TIMP2: variants seen among roughly 807,000 people sequenced by gnomAD.
TIMP2 encodes the protein metalloproteinase inhibitor 2.
In TIMP2, 5 loss-of-function variants were observed where a neutral mutation model predicts 24.3. That is an observed-to-expected ratio of 0.21 (90% CI 0.11 to 0.43). The LOEUF is 0.43. TIMP2 is among the 20% of genes least tolerant of loss of function. The probability of loss-of-function intolerance (pLI) is 1.00; values close to 1 mark genes in which losing one functional copy is unlikely to be tolerated. For missense variants in TIMP2, 221 were observed against 297.5 expected, an observed-to-expected ratio of 0.74 and a Z score of 1.89; for synonymous variants, 130 against 123.2, an observed-to-expected ratio of 1.06 and a Z score of -0.37.
chr17:78,856,633 G>A (rs1244900105), intron 4 of TIMP2: 1 of 152,480 alleles, frequency 6.6e-6, no homozygotes, highest in Non-Finnish European at 1.5e-5. Context: ...AGCCAGCCTG[G>A]GAGCCCTGGA....
chr17:78,868,231 T>C (rs1027878763), intron 3 of TIMP2, among the ~76,000 whole-genome samples: 2 of 152,068 alleles, frequency 1.3e-5, no homozygotes, highest in East Asian at 1.9e-4. Flanking sequence ...GCTAGGGGAA[T>C]TGTCTTGTCT....
At position 78,873,974 on chromosome 17, in the gene TIMP2, C is replaced by T. The variant is rs2069707510; in HGVS notation, c.131-55G>A. 1.6e-5 allele frequency: 25 copies of T among 1,541,020 alleles called. 1 individual carries two copies. The South Asian group carries it at 2.5e-4, about 15-fold the overall frequency. ...GAGTTCCTGAAACACGCTCCTGGGG[C>T]TAAGGAGAGGGATAAGACGTCCAGG... On this transcript the variant is annotated intron_variant, in intron 1 of 4. Transcript: ENST00000262768.
intron 2 of TIMP2, among the ~76,000 whole-genome samples, chr17:78,872,700 G>A (rs1427546245): frequency 6.6e-6 from 1 of 152,210 alleles, no homozygotes; most frequent in African/African-American, 2.4e-5. Flanking sequence ...CGTAAGAGCA[G>A]ATCCTCTTTC....
chr17:78,888,891 C>T (rs769363518), intron 1 of TIMP2, among the ~76,000 whole-genome samples: 1 of 152,112 alleles, frequency 6.6e-6, no homozygotes, highest in Non-Finnish European at 1.5e-5. Context: ...CATTCGTGGA[C>T]CAATGATACT....
chr17:78,884,757 T>C (rs994836375), intron 1 of TIMP2, among the ~76,000 whole-genome samples: 1 of 152,158 alleles, frequency 6.6e-6, no homozygotes, highest in African/African-American at 2.4e-5. Flanking sequence ...TTCTTGGAGA[T>C]CTCGATATAA....
intron 3 of TIMP2, among the ~76,000 whole-genome samples, chr17:78,862,157 T>C (rs2069572240): frequency 6.6e-6 from 1 of 152,214 alleles, no homozygotes. Context: ...AGTCTCCTGG[T>C]GCCCGACTCG....
At chr17:78,887,153 C>T (rs1451030100) in intron 1 of TIMP2, among the ~76,000 whole-genome samples, 1 of 152,196 alleles carries the variant, frequency 6.6e-6, no homozygotes, top group Non-Finnish European at 1.5e-5. Context: ...TCCAAATGAG[C>T]GTAACGCTTG....
At chr17:78,912,646 G>T (rs2070219446) in intron 1 of TIMP2, among the ~76,000 whole-genome samples, 1 of 152,210 alleles carries the variant, frequency 6.6e-6, no homozygotes, top group African/African-American at 2.4e-5. Flanking sequence ...CAGGCCACCT[G>T]CTTGCTTCTG....
chr17:78,916,015 T>C (rs918695658), intron 1 of TIMP2, among the ~76,000 whole-genome samples: 1 of 152,168 alleles, frequency 6.6e-6, no homozygotes, highest in African/African-American at 2.4e-5. Flanking sequence ...ATTGTTGCCA[T>C]AGTCATTATC....
At position 78,924,563 on chromosome 17, in the gene TIMP2, G is replaced by A. The variant is rs2070334145; in HGVS notation, c.130+396C>T. Among the ~76,000 whole-genome samples the A allele has an allele frequency of 6.6e-6, 1 of 152,096 alleles. No individual in the cohort carries two copies. The highest frequency in any genetic ancestry group is 2.1e-4 in the South Asian group (1 of 4,824). On this transcript the variant is annotated intron_variant, in intron 1 of 4. Coordinates refer to ENST00000262768, the MANE Select transcript of TIMP2 (RefSeq NM_003255.5). This position sits in a 1 kb window ranked among gnomAD's most constrained non-coding sequence, Gnocchi z 5.3. ...GAGAAGCCCAACTCCCACCTTATCT[G>A]CGAAAGTTTCTTCCTGGGGTCCCCA...
At chr17:78,871,131 C>T (rs1057158051) in intron 2 of TIMP2, 125 bp from the exon 3 acceptor site, 32 of 682,196 alleles carry the variant, frequency 4.7e-5, no homozygotes, top group Admixed American at 8.0e-5. Context: ...CCCAAGAGGA[C>T]CAGGAAGTGC....
intron 1 of TIMP2, among the ~76,000 whole-genome samples, chr17:78,888,836 C>A (rs1301705620): frequency 6.6e-6 from 1 of 152,142 alleles, no homozygotes; most frequent in African/African-American, 2.4e-5. Context: ...GTGATGGGCT[C>A]ATGGTACTTC....
At chr17:78,873,312 T>A (rs1313389243) in intron 2 of TIMP2, among the ~76,000 whole-genome samples, 10 of 95,466 alleles carry the variant, frequency 1.0e-4, no homozygotes, top group Middle Eastern at 5.0e-3. Context: ...TATTTTTTTT[T>A]TTTTTTTTTA....
rs189088300 is a variant in TIMP2 at position 78,861,979 on chromosome 17, G to A, written c.341-4333C>T. 2.2e-3 allele frequency among the ~76,000 whole-genome samples: 334 copies of A among 152,332 alleles called. 5 individuals are homozygous for A. Among genetic ancestry groups the A allele is most frequent in the East Asian group, 2.3e-3 (12 of 5,188 alleles). ...TAAGACTTGGTTGGGTGTACACACC[G>A]TGAGCATCTGCAGCGATGTTCTACT... On this transcript the variant is annotated intron_variant, in intron 3 of 4. Transcript: ENST00000262768.
intron 3 of TIMP2, among the ~76,000 whole-genome samples, chr17:78,861,793 CG>C (rs1271900119): frequency 6.6e-6 from 1 of 151,988 alleles, no homozygotes; most frequent in Non-Finnish European, 1.5e-5. Flanking sequence ...AGTAGAGACA[CG>C]GTTTCACCAT....
At chr17:78,885,414 C>T (rs1011459432) in intron 1 of TIMP2, among the ~76,000 whole-genome samples, 4 of 152,352 alleles carry the variant, frequency 2.6e-5, no homozygotes, top group South Asian at 4.1e-4. Flanking sequence ...GGATCCTCAC[C>T]GCTGCTGGCA....
At chr17:78,908,221 C>A (rs187685746) in intron 1 of TIMP2, among the ~76,000 whole-genome samples, 93 of 152,304 alleles carry the variant, frequency 6.1e-4, no homozygotes, top group African/African-American at 2.1e-3. Flanking sequence ...GCCCCTGCTA[C>A]TGTATATATA....
intron 1 of TIMP2, among the ~76,000 whole-genome samples, chr17:78,885,295 C>A (rs1162596515): frequency 6.6e-6 from 1 of 152,238 alleles, no homozygotes; most frequent in Non-Finnish European, 1.5e-5. Context: ...GGGGCAGAAG[C>A]ACCAAACCAG....
intron 1 of TIMP2, among the ~76,000 whole-genome samples, chr17:78,911,028 A>G (rs564970798): frequency 6.6e-6 from 1 of 152,172 alleles, no homozygotes; most frequent in East Asian, 1.9e-4. Context: ...TAGTTTTTTG[A>G]GGAACCTCCA....
Sources: gnomAD v4.1 joint callset for allele counts (sites outside exome capture counted in the v4.1 genomes callset) on GRCh38, gnomAD v4.1.1 for gene constraint, Gnocchi (gnomAD v3.1) non-coding constraint, MANE v1.5 for transcripts, NCBI Gene and HGNC (gene_info 2026-07-23, HGNC 2026-07-21) for gene names.